The following FHOD3 variants were observed in gnomAD, a reference collection of about 807,000 sequenced individuals.
The protein encoded by FHOD3 is formin homology 2 domain containing 3.
In FHOD3, 90 loss-of-function variants were observed where a neutral mutation model predicts 173.0. The observed-to-expected ratio is 0.52, with a 90% CI of 0.44 to 0.62. The LOEUF (loss-of-function observed/expected upper bound fraction) is 0.62, where lower values mean the gene tolerates loss of function less well. Ranked by LOEUF, FHOD3 falls within the 20% of genes least tolerant of loss-of-function variation. FHOD3 has a pLI of 0.00. For missense variants in FHOD3, 1,945 were observed against 2,034.7 expected (o/e 0.96, Z 0.85); for synonymous variants, 828 against 823.0 (o/e 1.01, Z -0.10).
At chr18:36,611,415 A>G (rs1290203467) in intron 8 of FHOD3, among the ~76,000 whole-genome samples, 2 of 152,146 alleles carry the variant, frequency 1.3e-5, no homozygotes, top group South Asian at 4.1e-4. Flanking sequence ...CTGAAGTCTC[A>G]TCTGAGACTT....
chr18:36,350,765 T>C (rs1342020197), intron 1 of FHOD3, among the ~76,000 whole-genome samples: 8 of 152,230 alleles, frequency 5.3e-5, no homozygotes, highest in Non-Finnish European at 8.8e-5. Flanking sequence ...TAAATCTGTG[T>C]AATAACTGGA....
At chr18:36,502,968 A>G (rs555775637) in intron 4 of FHOD3, among the ~76,000 whole-genome samples, 33 of 152,260 alleles carry the variant, frequency 2.2e-4, no homozygotes, top group Admixed American at 5.2e-4. Flanking sequence ...AATAAAACAC[A>G]AGTTGTTTTA....
intron 6 of FHOD3, among the ~76,000 whole-genome samples, chr18:36,591,984 C>T (rs1355375046): frequency 2.6e-5 from 4 of 152,104 alleles, no homozygotes; most frequent in African/African-American, 7.2e-5. Flanking sequence ...TTTGAGAGGC[C>T]GAGGCAGGCA....
chr18:36,549,393 C>G (rs1025659799), intron 5 of FHOD3, among the ~76,000 whole-genome samples: 1 of 152,034 alleles, frequency 6.6e-6, no homozygotes, highest in African/African-American at 2.4e-5. Flanking sequence ...TTCCCCCAGT[C>G]TGTAGCTTAT....
chr18:36,757,363 T>C (rs1156925005), intron 25 of FHOD3, among the ~76,000 whole-genome samples: 1 of 152,184 alleles, frequency 6.6e-6, no homozygotes, highest in African/African-American at 2.4e-5. Context: ...GCCTTGGGTT[T>C]TTCCAACTCA....
intron 14 of FHOD3, among the ~76,000 whole-genome samples, chr18:36,672,134 G>GGTCATATT (rs1281414563): frequency 6.6e-6 from 1 of 152,146 alleles, no homozygotes; most frequent in Non-Finnish European, 1.5e-5. Flanking sequence ...TTTGCTAATA[G>GGTCATATT]GTCATATTGT....
intron 1 of FHOD3, among the ~76,000 whole-genome samples, chr18:36,325,602 T>C (rs1342803083): frequency 6.6e-6 from 1 of 152,202 alleles, no homozygotes; most frequent in Non-Finnish European, 1.5e-5. Flanking sequence ...CTCCACCATC[T>C]TGCTTTATCC....
chr18:36,588,299 TTAAA>T (rs1448286779), intron 6 of FHOD3, among the ~76,000 whole-genome samples: 1 of 152,212 alleles, frequency 6.6e-6, no homozygotes, highest in African/African-American at 2.4e-5. Flanking sequence ...GATACAATGT[TTAAA>T]TAAAGAGTTT....
chr18:36,716,220 A>G (rs2040441803), intron 18 of FHOD3, among the ~76,000 whole-genome samples: 1 of 152,198 alleles, frequency 6.6e-6, no homozygotes, highest in South Asian at 2.1e-4. Context: ...TCCAGTGGGG[A>G]CGCCCCTGCA....
chr18:36,580,900 A>G (rs970263450), intron 6 of FHOD3, among the ~76,000 whole-genome samples: 1 of 152,342 alleles, frequency 6.6e-6, no homozygotes, highest in South Asian at 2.1e-4. Flanking sequence ...GGTTACCTTG[A>G]CATCCAGTTG....
At chr18:36,664,811 A>ATT (rs1555798271) in intron 14 of FHOD3, among the ~76,000 whole-genome samples, 5 of 148,920 alleles carry the variant, frequency 3.4e-5, no homozygotes, top group Admixed American at 1.3e-4. Context: ...AGAGAGAGAG[A>ATT]GAGATTGAGA....
intron 3 of FHOD3, among the ~76,000 whole-genome samples, chr18:36,395,068 A>G (rs1167409411): frequency 6.6e-6 from 1 of 152,188 alleles, no homozygotes; most frequent in Non-Finnish European, 1.5e-5. Context: ...TCCCATATTT[A>G]CCCACTTAAA....
chr18:36,418,996 CT>C (rs1252824907), intron 3 of FHOD3, among the ~76,000 whole-genome samples: 2 of 151,704 alleles, frequency 1.3e-5, no homozygotes, highest in African/African-American at 4.9e-5. Flanking sequence ...AAATAGTGGT[CT>C]GGGGGGAATT....
At chr18:36,594,445 A>T (rs907838033) in intron 6 of FHOD3, among the ~76,000 whole-genome samples, 4 of 152,150 alleles carry the variant, frequency 2.6e-5, no homozygotes, top group African/African-American at 9.7e-5. Context: ...CTGGGGTAAA[A>T]CGAAGACGTA....
intron 3 of FHOD3, among the ~76,000 whole-genome samples, chr18:36,392,620 T>C (rs2048356884): frequency 1.3e-5 from 2 of 152,162 alleles, no homozygotes; most frequent in Admixed American, 1.3e-4. Context: ...CCTAGAGACA[T>C]GGCAAGACTG....
intron 5 of FHOD3, among the ~76,000 whole-genome samples, chr18:36,560,790 C>G (rs1337315733): frequency 2.8e-5 from 4 of 143,890 alleles, no homozygotes; most frequent in Non-Finnish European, 6.0e-5. Context: ...TTAAAACTTT[C>G]TTCTATAGCT....
intron 15 of FHOD3, among the ~76,000 whole-genome samples, chr18:36,681,850 G>A (rs1180767647): frequency 2.0e-5 from 3 of 152,044 alleles, no homozygotes; most frequent in East Asian, 1.9e-4. Flanking sequence ...CAGGCCCTCC[G>A]GATGACAGAG....
chr18:36,516,610 TG>T (rs1460490058), intron 5 of FHOD3, among the ~76,000 whole-genome samples: 2 of 152,154 alleles, frequency 1.3e-5, no homozygotes, highest in Non-Finnish European at 1.5e-5. Context: ...CTGGACACAG[TG>T]GCACATGCCT....
At chr18:36,484,744 GC>G (rs200579802) in intron 3 of FHOD3, among the ~76,000 whole-genome samples, 2 of 152,070 alleles carry the variant, frequency 1.3e-5, no homozygotes, top group African/African-American at 2.4e-5. Context: ...AAAAGCTCCA[GC>G]CCCCCAGGGG....
Sources: gnomAD v4.1 joint callset for allele counts (sites outside exome capture counted in the v4.1 genomes callset) on GRCh38, gnomAD v4.1.1 for gene constraint, MANE v1.5 for transcripts, NCBI Gene and HGNC (gene_info 2026-07-23, HGNC 2026-07-21) for gene names.